The following IGF2BP2 variants were observed in gnomAD, a reference collection of about 807,000 sequenced individuals.
IGF2BP2 encodes insulin like growth factor 2 mRNA binding protein 2.
Under a neutral mutation model 75.8 loss-of-function variants are expected in IGF2BP2, and 17 were observed. That is an observed-to-expected ratio of 0.22 (90% CI 0.15 to 0.34). The LOEUF is 0.34. IGF2BP2 is among the 10% of genes least tolerant of loss of function. The pLI, the probability that IGF2BP2 is intolerant of heterozygous loss-of-function variation, is 1.00. For synonymous variants in IGF2BP2, 288 were observed against 295.6 expected (o/e 0.97, Z 0.26); for missense variants, 516 against 772.4 (o/e 0.67, Z 3.93).
chr3:185,730,401 C>T (rs1321224080), intron 2 of IGF2BP2, among the ~76,000 whole-genome samples: 2 of 148,498 alleles, frequency 1.3e-5, no homozygotes, highest in Middle Eastern at 3.5e-3. Context: ...GTGAACGGTA[C>T]GATGATAAAC....
intron 2 of IGF2BP2, among the ~76,000 whole-genome samples, chr3:185,744,912 A>G (rs1167211099): frequency 6.6e-6 from 1 of 152,262 alleles, no homozygotes; most frequent in Non-Finnish European, 1.5e-5. Context: ...ACTGCTTAAT[A>G]AAGATAAACC....
At chr3:185,672,853 C>A (rs569412135) in intron 9 of IGF2BP2, among the ~76,000 whole-genome samples, 184 bp from the exon 10 acceptor site, 1 of 152,260 alleles carries the variant, frequency 6.6e-6, no homozygotes, top group South Asian at 2.1e-4. Flanking sequence ...TCCTTCAAGG[C>A]TTCTCTGCCA....
chr3:185,655,161 T>C (rs997827468), intron 12 of IGF2BP2, among the ~76,000 whole-genome samples: 3 of 152,228 alleles, frequency 2.0e-5, no homozygotes, highest in African/African-American at 7.2e-5. Context: ...AGACAGAGTC[T>C]TGCCCTGTCA....
intron 2 of IGF2BP2, among the ~76,000 whole-genome samples, chr3:185,704,274 A>G (rs1318106032): frequency 6.6e-6 from 1 of 152,150 alleles, no homozygotes; most frequent in East Asian, 1.9e-4. Flanking sequence ...GTCAGATTCC[A>G]GTCTATTGCA....
At position 185,824,895 on chromosome 3, in the gene IGF2BP2, G is replaced by A; in HGVS notation, c.66C>T (p.Leu22=). Residue 22 remains leucine, a synonymous_variant, in exon 1 of 16, where the codon CTC becomes CTT. Transcript: ENST00000382199. Reference sequence around the variant, plus strand: ...CCAGGGGCAGCTTCCTGTCCCCAAAGAGCTGCCGGAGGTCGTCGGCGGTGA... The same window carrying A: ...CCAGGGGCAGCTTCCTGTCCCCAAAAAGCTGCCGGAGGTCGTCGGCGGTGA... ...PAVTADDLRQ[L]FGDRKLPLAG... is the part of the protein sequence containing the mutation. 1.3e-6 allele frequency: 2 copies of A among 1,573,518 alleles called. No individual in the cohort carries two copies. The highest frequency in any genetic ancestry group is 1.2e-5 in the South Asian group (1 of 85,604).
intron 7 of IGF2BP2, among the ~76,000 whole-genome samples, chr3:185,677,371 T>G (rs1009508570): frequency 6.6e-5 from 10 of 151,776 alleles, no homozygotes; most frequent in African/African-American, 2.4e-4. Context: ...AAGCAGCATT[T>G]AAGAACTGCA....
chr3:185,789,612 T>C (rs1454865790), intron 2 of IGF2BP2, among the ~76,000 whole-genome samples: 1 of 151,506 alleles, frequency 6.6e-6, no homozygotes, highest in Non-Finnish European at 1.5e-5. Context: ...TGGTTATGAA[T>C]GTCCTTAAAA....
chr3:185,663,623 G>C (rs575096607), intron 10 of IGF2BP2, among the ~76,000 whole-genome samples: 5 of 152,190 alleles, frequency 3.3e-5, no homozygotes, highest in Non-Finnish European at 7.3e-5. Context: ...AAGAAATCAG[G>C]GGGTGGGAGG....
chr3:185,665,473 A>G (rs1448433460), intron 10 of IGF2BP2, among the ~76,000 whole-genome samples: 674 of 66,508 alleles, frequency 0.01, 9 homozygotes, highest in Non-Finnish European at 0.013. Context: ...GAAGAAGAAG[A>G]AGGAGAAGAA....
Position 185,709,970 on chromosome 3 carries a change from G to A in IGF2BP2, c.240-11623C>T, listed in dbSNP as rs183472863. Among the ~76,000 whole-genome samples, 5 of 152,222 alleles carry A rather than the reference G, an allele frequency of 3.3e-5. No individual in the cohort carries two copies. The East Asian group carries it at 9.7e-4, about 29-fold the overall frequency. On this transcript the variant is annotated intron_variant, in intron 2 of 15. Transcript: ENST00000382199. ...GCTTTTCCAAATTCATTCAATAAAT[G>A]TTTACTAAGGACCCATTATAGGCTA... is the stretch of plus-strand genomic sequence containing the variant.
chr3:185,658,259 G>C, intron 11 of IGF2BP2, 82 bp downstream of exon 11: 1 of 1,286,922 alleles, frequency 7.8e-7, no homozygotes, highest in Non-Finnish European at 1.1e-6. Flanking sequence ...TCTGCATTGT[G>C]AACATTCACT....
chr3:185,649,305 T>G, intron 14 of IGF2BP2, 98 bp downstream of exon 14: 1 of 1,482,294 alleles, frequency 6.7e-7, no homozygotes, highest in Non-Finnish European at 9.2e-7. Flanking sequence ...TGACTGTACA[T>G]TGGGACAGAA....
intron 2 of IGF2BP2, among the ~76,000 whole-genome samples, chr3:185,748,048 G>A (rs1314236590): frequency 6.6e-6 from 1 of 151,910 alleles, no homozygotes; most frequent in East Asian, 1.9e-4. Flanking sequence ...GTAGAGACAG[G>A]GTTTCACTGT....
intron 2 of IGF2BP2, among the ~76,000 whole-genome samples, chr3:185,749,507 T>C (rs563448678): frequency 1.3e-5 from 2 of 152,234 alleles, no homozygotes; most frequent in Non-Finnish European, 2.9e-5. Context: ...ATGAGCTAAT[T>C]GCTCTTCTGA....
At chr3:185,795,148 C>G (rs569051076) in intron 2 of IGF2BP2, among the ~76,000 whole-genome samples, 4 of 152,112 alleles carry the variant, frequency 2.6e-5, no homozygotes, top group Non-Finnish European at 4.4e-5. Context: ...CCACCCACCT[C>G]GGCCTCCCAA....
intron 2 of IGF2BP2, among the ~76,000 whole-genome samples, chr3:185,820,115 CAA>C (rs1741137611): frequency 1.3e-5 from 2 of 151,786 alleles, no homozygotes; most frequent in South Asian, 4.2e-4. Context: ...CTGCATTTTT[CAA>C]AGTTTTGTTT....
At chr3:185,651,507 C>A (rs1480846212) in intron 13 of IGF2BP2, among the ~76,000 whole-genome samples, 1 of 152,196 alleles carries the variant, frequency 6.6e-6, no homozygotes, top group African/African-American at 2.4e-5. Context: ...CACCTGCTGC[C>A]CCTGGCTGAG....
chr3:185,701,652 A>AT (rs1723326100), intron 2 of IGF2BP2, among the ~76,000 whole-genome samples: 1 of 152,224 alleles, frequency 6.6e-6, no homozygotes, highest in Non-Finnish European at 1.5e-5. Flanking sequence ...AACACTACAC[A>AT]TAAGTTCAGT....
At position 185,689,567 on chromosome 3, in the gene IGF2BP2, G is replaced by A. The variant is rs780463872; in HGVS notation, c.465C>T (p.Ile155=). Residue 155 remains isoleucine (I), a synonymous_variant, in exon 6 of 16, where the codon ATC becomes ATT. Coordinates refer to ENST00000382199, the MANE Select transcript of IGF2BP2 (RefSeq NM_006548.6). ...FENYSFKISY[I]PDEEVSSPSP... ...AAGGGGAGCTCACCTCTTCATCCGG[G>A]ATGTAGGAAATCTTGAAGGAGTAGT... The A allele has an allele frequency of 1.9e-6, 3 of 1,614,250 alleles. No individual in the cohort carries two copies. The highest frequency in any genetic ancestry group is 2.2e-5 in the East Asian group (1 of 44,888).
Sources: allele counts gnomAD v4.1 joint callset (sites outside exome capture counted in the v4.1 genomes callset), GRCh38; gene constraint gnomAD v4.1.1; transcripts MANE v1.5; gene names NCBI Gene and HGNC (gene_info 2026-07-23, HGNC 2026-07-21).